Variants in VWC2 observed in about 807,000 individuals in gnomAD.
The protein encoded by VWC2 is brorin.
VWC2 carries 14 observed loss-of-function variants against 29.8 expected under a neutral mutation model. That is an observed-to-expected ratio of 0.47 (90% CI 0.31 to 0.74). The LOEUF is 0.74. VWC2 is among the 30% of genes least tolerant of loss of function. The pLI is 0.05. For synonymous variants in VWC2, 213 were observed against 199.0 expected (o/e 1.07, Z -0.59); for missense variants, 457 against 459.8 (o/e 0.99, Z 0.05).
In VWC2 at chr7:49,802,833, C is replaced by T; in HGVS notation, c.819C>T (p.Cys273=). ...VYEPDQCCPI[C]KNGPNCFAET... ...AGCCTGATCAGTGCTGTCCCATCTG[C>T]AAAAATGGTATGTGAGATCCCCGTT... Residue 273 remains cysteine (C), a synonymous_variant, in exon 3 of 4, where the codon TGC becomes TGT. Coordinates refer to ENST00000340652, the MANE Select transcript of VWC2 (RefSeq NM_198570.5). The T allele has an allele frequency of 6.2e-7, 1 of 1,614,088 alleles. No homozygotes were observed. Among genetic ancestry groups the T allele is most frequent in the Non-Finnish European group, 8.5e-7 (1 of 1,179,994 alleles).
Position 49,915,491 on chromosome 7 carries a change from A to C in VWC2, c.*3306A>C, listed in dbSNP as rs1183154186. 4 of 152,190 alleles carry C rather than the reference A, an allele frequency of 2.6e-5. No homozygotes were observed. The highest frequency in any genetic ancestry group is 5.9e-5 in the Non-Finnish European group (4 of 68,030). The allele number at this position is 152,190 out of a possible 1,614,324, so 9.4% of individuals were successfully genotyped here. Reference sequence around the variant, plus strand: ...CTTTCTTCCCTCGTTCTCCAACATAAATGTTGCATTTATATAAGGTTAAAA... The same window carrying C: ...CTTTCTTCCCTCGTTCTCCAACATACATGTTGCATTTATATAAGGTTAAAA... On this transcript the variant is annotated 3_prime_UTR_variant, in exon 4 of 4. Coordinates refer to ENST00000340652, the MANE Select transcript of VWC2 (RefSeq NM_198570.5).
intron 3 of VWC2, among the ~76,000 whole-genome samples, chr7:49,848,553 G>C (rs144604103): frequency 6.6e-6 from 1 of 152,304 alleles, no homozygotes; most frequent in South Asian, 2.1e-4. Flanking sequence ...CTGCTCTCTC[G>C]TTTCCTGGTT....
intron 2 of VWC2, among the ~76,000 whole-genome samples, chr7:49,776,876 A>G (rs1243448420): frequency 6.6e-6 from 1 of 152,242 alleles, no homozygotes; most frequent in African/African-American, 2.4e-5. Flanking sequence ...CAGACACAGA[A>G]TATTTAAATA....
At chr7:49,852,043 A>G (rs764250360) in intron 3 of VWC2, among the ~76,000 whole-genome samples, 1 of 152,194 alleles carries the variant, frequency 6.6e-6, no homozygotes, top group Non-Finnish European at 1.5e-5. Flanking sequence ...AATCCGGATT[A>G]AACCAATAAC....
chr7:49,888,911 CA>C (rs925441856), intron 3 of VWC2, among the ~76,000 whole-genome samples: 5 of 149,714 alleles, frequency 3.3e-5, no homozygotes, highest in East Asian at 1.9e-4. Context: ...GACTTCATCT[CA>C]AAAAAAACAA....
intron 3 of VWC2, among the ~76,000 whole-genome samples, chr7:49,882,826 A>G (rs79344276): frequency 0.03 from 4,566 of 152,188 alleles, 189 homozygotes; most frequent in South Asian, 0.13. Flanking sequence ...AGTTTCAACT[A>G]CATCTTCTAT....
rs1793710821 is a variant in VWC2, at chr7:49,916,123, C to T, written c.*3938C>T. On this transcript the variant is annotated 3_prime_UTR_variant, in exon 4 of 4. Transcript: ENST00000340652. Reference sequence around the variant, plus strand: ...ATTAAACAGCCTACTTATGTCATATCCTCACTTCACACCAACTTCTTCAGT... The same window carrying T: ...ATTAAACAGCCTACTTATGTCATATTCTCACTTCACACCAACTTCTTCAGT... 1 of 152,186 alleles carries T rather than the reference C, an allele frequency of 6.6e-6. No homozygotes were observed. The highest frequency in any genetic ancestry group is 6.5e-5 in the Admixed American group (1 of 15,286). The allele number at this position is 152,186 out of a possible 1,614,324, so 9.4% of individuals were successfully genotyped here. A position where few individuals can be genotyped will look rare whatever the true frequency, so the allele number is the denominator to read the frequency against.
rs1424003961 is a variant in VWC2 at position 49,826,346 on chromosome 7, T to A, written c.826+23506T>A. On this transcript the variant is annotated intron_variant, in intron 3 of 3. Coordinates refer to ENST00000340652, the MANE Select transcript of VWC2 (RefSeq NM_198570.5). ...ATAAAATTTTGTATCCAAAAAAGAA[T>A]AATCTCCTTTAAAACATCTTAGAGC... is the stretch of plus-strand genomic sequence containing the variant. Among the ~76,000 whole-genome samples the A allele has an allele frequency of 2.0e-5, 3 of 152,156 alleles. No homozygotes were observed. In the South Asian group the frequency reaches 6.2e-4, roughly 32 times the overall value.
At chr7:49,784,796 A>G (rs546674065) in intron 2 of VWC2, among the ~76,000 whole-genome samples, 1 of 152,328 alleles carries the variant, frequency 6.6e-6, no homozygotes, top group South Asian at 2.1e-4. Context: ...TATCTGATCT[A>G]AACAAACACA....
intron 2 of VWC2, among the ~76,000 whole-genome samples, chr7:49,783,842 G>C (rs1016031074): frequency 8.6e-5 from 13 of 151,886 alleles, no homozygotes; most frequent in Non-Finnish European, 1.8e-4. Flanking sequence ...TTGAGCCCAG[G>C]AGTTTAAGAC....
At chr7:49,785,436 C>A (rs987889654) in intron 2 of VWC2, among the ~76,000 whole-genome samples, 2 of 152,140 alleles carry the variant, frequency 1.3e-5, no homozygotes, top group Non-Finnish European at 1.5e-5. Flanking sequence ...GCTTAGAATT[C>A]TGAGATTGTA....
chr7:49,882,249 A>G (rs1189397429), intron 3 of VWC2, among the ~76,000 whole-genome samples: 1 of 152,166 alleles, frequency 6.6e-6, no homozygotes, highest in African/African-American at 2.4e-5. Flanking sequence ...AGAGTTTTCA[A>G]TTAGGAGGAG....
chr7:49,893,997 G>T (rs1307914735), intron 3 of VWC2, among the ~76,000 whole-genome samples: 2 of 152,174 alleles, frequency 1.3e-5, no homozygotes, highest in East Asian at 3.9e-4. Flanking sequence ...TGCTCCATGG[G>T]GGCTGTGTCA....
Position 49,775,823 on chromosome 7 carries a change from G to C in VWC2, c.388G>C (p.Ala130Pro). 6 of 1,544,394 alleles carry C rather than the reference G, an allele frequency of 3.9e-6. No homozygotes were observed. Among genetic ancestry groups the C allele is most frequent in the Non-Finnish European group, 5.2e-6 (6 of 1,144,992 alleles). ...AGCCCTGGCCGCAGCCGCCCAGGACGCGATTGGCCCGGAACTCGCGCCCAC... is the reference window on the plus strand; with the variant it reads ...AGCCCTGGCCGCAGCCGCCCAGGACCCGATTGGCCCGGAACTCGCGCCCAC... ...AEALAAAAQD[A>P]IGPELAPTPE... Residue 130 changes from alanine to proline, a missense_variant, in exon 2 of 4, where the codon GCG becomes CCG. Around this residue, in one of 2 missense-constraint regions of VWC2, gnomAD observed 272 missense variants for 202.7 expected, o/e 1.34. Transcript: ENST00000340652.
chr7:49,800,307 G>A (rs965558856), intron 2 of VWC2, among the ~76,000 whole-genome samples: 2 of 152,168 alleles, frequency 1.3e-5, no homozygotes, highest in Non-Finnish European at 2.9e-5. Context: ...CCTTTTTGAC[G>A]TTGCAGTTGG....
At chr7:49,803,126 T>C (rs765868339) in intron 3 of VWC2, among the ~76,000 whole-genome samples, 7 of 152,384 alleles carry the variant, frequency 4.6e-5, no homozygotes, top group Non-Finnish European at 8.8e-5. Context: ...TAACTTTGTT[T>C]GTTCTTGCAA....
chr7:49,872,572 C>A (rs187727970), intron 3 of VWC2, among the ~76,000 whole-genome samples: 23 of 151,638 alleles, frequency 1.5e-4, no homozygotes, highest in African/African-American at 5.6e-4. Flanking sequence ...GAAAAAACTA[C>A]CATATATTTC....
intron 2 of VWC2, among the ~76,000 whole-genome samples, chr7:49,800,916 G>A (rs1008571172): frequency 1.3e-5 from 2 of 148,684 alleles, no homozygotes; most frequent in African/African-American, 5.0e-5. Context: ...CTCAAAAACA[G>A]GCCTTTATAT....
chr7:49,910,028 G>C (rs1430105356), intron 3 of VWC2, among the ~76,000 whole-genome samples: 2 of 151,940 alleles, frequency 1.3e-5, no homozygotes, highest in Non-Finnish European at 2.9e-5. Flanking sequence ...AGGGTCCCTT[G>C]AGCCCAGGAG....
Sources: allele counts gnomAD v4.1 joint callset (sites outside exome capture counted in the v4.1 genomes callset), GRCh38; gene constraint gnomAD v4.1.1; regional missense constraint gnomAD v4.1.1; transcripts MANE v1.5; gene names NCBI Gene and HGNC (gene_info 2026-07-23, HGNC 2026-07-21).